Variants in SLC28A1 observed in about 807,000 individuals in gnomAD.
The protein encoded by SLC28A1 is solute carrier family 28 member 1, also known as sodium/nucleoside cotransporter 1.
A neutral mutation model predicts 74.8 loss-of-function variants in SLC28A1; 64 were observed. The observed-to-expected ratio is 0.86, with a 90% CI of 0.70 to 1.05. The LOEUF (loss-of-function observed/expected upper bound fraction) is 1.05, where lower values mean the gene tolerates loss of function less well. Among genes scored for constraint, SLC28A1 ranks in the 50% least tolerant of loss-of-function variants. SLC28A1 has a pLI of 0.00. For missense variants in SLC28A1, 828 were observed against 822.8 expected (o/e 1.01, Z -0.08); for synonymous variants, 359 against 335.0 (o/e 1.07, Z -0.78).
At chr15:84,975,644 T>A in the SLC28A1 span, 1 of 438,610 alleles carries the variant, frequency 2.3e-6, no homozygotes. Flanking sequence ...TAAGAGTCTT[T>A]GAAAAGAATG....
intron 9 of SLC28A1, among the ~76,000 whole-genome samples, chr15:84,914,640 G>A (rs552926609): frequency 6.6e-5 from 10 of 152,286 alleles, no homozygotes; most frequent in South Asian, 2.1e-4. Context: ...ACATATTAGG[G>A]ACCTGGCCCA....
At chr15:84,886,385 G>A (rs1777433437) in intron 1 of SLC28A1, 2 of 982,702 alleles carry the variant, frequency 2.0e-6, no homozygotes, top group East Asian at 1.1e-4. Context: ...GAAGGAAGGA[G>A]GGGGAGGGAA....
chr15:84,889,859 CTCTT>C (rs1322485324), intron 4 of SLC28A1, among the ~76,000 whole-genome samples: 3 of 143,738 alleles, frequency 2.1e-5, no homozygotes, highest in South Asian at 2.2e-4. Flanking sequence ...CTTCCTTTCT[CTCTT>C]TTTTTTTTTT....
intron 1 of SLC28A1, chr15:84,886,291 G>C: frequency 1.0e-6 from 1 of 985,028 alleles, no homozygotes; most frequent in Non-Finnish European, 1.2e-6. Context: ...TCCCCATCTA[G>C]TGAGAAAGGG....
At chr15:84,910,184 G>T (rs1252659839) in intron 9 of SLC28A1, among the ~76,000 whole-genome samples, 3 of 152,144 alleles carry the variant, frequency 2.0e-5, no homozygotes, top group African/African-American at 7.2e-5. Context: ...TTGCCCCCTG[G>T]GCAAATTTGC....
downstream of SLC28A1, among the ~76,000 whole-genome samples, chr15:84,947,520 T>G (rs2079275333): frequency 6.6e-6 from 1 of 152,246 alleles, no homozygotes; most frequent in South Asian, 2.1e-4. Context: ...TTAGTCAGTT[T>G]TGGCTGATAA....
In SLC28A1 at chr15:84,914,158, G is replaced by A. The variant is rs181694345; in HGVS notation, c.796-4366G>A. ...AGATACAGGGTCTCACTATATTGCC[G>A]AGGCTGGTCTTGAACTCCTGAACTC... On this transcript the variant is annotated intron_variant, in intron 9 of 18. Coordinates refer to ENST00000394573, the MANE Select transcript of SLC28A1 (RefSeq NM_004213.5). 7.2e-5 allele frequency among the ~76,000 whole-genome samples: 11 copies of A among 152,074 alleles called. No homozygotes were observed. In the South Asian group the frequency reaches 8.3e-4, roughly 12 times the overall value.
At chr15:84,925,080 T>G (rs1006392720) in intron 12 of SLC28A1, among the ~76,000 whole-genome samples, 12 of 143,076 alleles carry the variant, frequency 8.4e-5, no homozygotes, top group African/African-American at 2.8e-4. Flanking sequence ...TTTTTTTTTT[T>G]TTTTTTTTTT....
chr15:84,938,705 A>C (rs1972264674), intron 15 of SLC28A1, among the ~76,000 whole-genome samples: 1 of 152,200 alleles, frequency 6.6e-6, no homozygotes, highest in African/African-American at 2.4e-5. Flanking sequence ...AAGGAACAAA[A>C]ATTAAAATAA....
At chr15:84,913,008 T>A (rs1421995262) in intron 9 of SLC28A1, among the ~76,000 whole-genome samples, 2 of 152,068 alleles carry the variant, frequency 1.3e-5, no homozygotes, top group Non-Finnish European at 2.9e-5. Flanking sequence ...AGGAGGCATC[T>A]TGTTGAAAAC....
downstream of SLC28A1, among the ~76,000 whole-genome samples, chr15:84,949,605 C>G (rs2079349372): frequency 7.1e-6 from 1 of 140,386 alleles, no homozygotes; most frequent in African/African-American, 2.7e-5. Flanking sequence ...GGCGGGGACT[C>G]TCTCTATGTT....
chr15:84,930,547 G>C (rs990469235), intron 12 of SLC28A1, among the ~76,000 whole-genome samples: 1 of 151,950 alleles, frequency 6.6e-6, no homozygotes, highest in South Asian at 2.1e-4. Context: ...CTCCAGCCTG[G>C]CTTCTCAGCA....
At chr15:84,896,964 G>A (rs190791415) in intron 6 of SLC28A1, among the ~76,000 whole-genome samples, 80 of 152,282 alleles carry the variant, frequency 5.3e-4, no homozygotes, top group Non-Finnish European at 9.6e-4. Flanking sequence ...CTGCTAGGGC[G>A]GATGGGAAGA....
chr15:84,892,356 G>A (rs1320781677), intron 5 of SLC28A1, among the ~76,000 whole-genome samples: 1 of 152,072 alleles, frequency 6.6e-6, no homozygotes, highest in African/African-American at 2.4e-5. Context: ...GATGGGGTGG[G>A]TCCATGTCCC....
At chr15:84,949,357 A>C (rs998925195), downstream of SLC28A1, among the ~76,000 whole-genome samples, 1 of 152,176 alleles carries the variant, frequency 6.6e-6, no homozygotes, top group Non-Finnish European at 1.5e-5. Flanking sequence ...TATTTGAAAG[A>C]GGCAGACTTA....
At chr15:84,935,802 C>G (rs989137994) in intron 15 of SLC28A1, among the ~76,000 whole-genome samples, 2 of 152,136 alleles carry the variant, frequency 1.3e-5, no homozygotes, top group Non-Finnish European at 2.9e-5. Flanking sequence ...TTAGGCCAGC[C>G]ACAGTACCTT....
chr15:84,945,418 C>G lies in SLC28A1; in HGVS notation c.*218C>G. The stretch of plus-strand genomic sequence containing the variant: ...CCACTCCATCCCCCTTCCTGCTCCC[C>G]CATTTCCTAACTCCCCCAGTGTGAA... On this transcript the variant is annotated 3_prime_UTR_variant, in exon 19 of 19. Transcript: ENST00000394573. 3.4e-6 allele frequency: 2 copies of G among 583,714 alleles called. No homozygotes were observed. Among genetic ancestry groups the G allele is most frequent in the Non-Finnish European group, 6.3e-6 (2 of 319,486 alleles). The allele number at this position is 583,714 out of a possible 1,614,324, so 36.2% of individuals were successfully genotyped here.
chr15:84,925,943 G>A (rs1442472975), intron 12 of SLC28A1, among the ~76,000 whole-genome samples: 1 of 151,700 alleles, frequency 6.6e-6, no homozygotes, highest in African/African-American at 2.4e-5. Flanking sequence ...CAAGTGTGTG[G>A]TACTCACCCA....
the SLC28A1 span, among the ~76,000 whole-genome samples, chr15:84,953,603 AC>A: frequency 6.6e-6 from 1 of 152,240 alleles, no homozygotes; most frequent in Admixed American, 6.5e-5. Flanking sequence ...GGTGACAAGC[AC>A]CTGCAGTCCT....
Sources: allele counts gnomAD v4.1 joint callset (sites outside exome capture counted in the v4.1 genomes callset), GRCh38; gene constraint gnomAD v4.1.1; transcripts MANE v1.5; gene names NCBI Gene and HGNC (gene_info 2026-07-23, HGNC 2026-07-21).